Variants in SIPA1L3 observed in about 807,000 individuals in gnomAD.
The protein encoded by SIPA1L3 is signal induced proliferation associated 1 like 3.
Under a neutral mutation model 150.1 loss-of-function variants are expected in SIPA1L3, and 59 were observed. The ratio of observed to expected loss-of-function variants is 0.39; its 90% CI spans 0.32 to 0.49. The LOEUF (loss-of-function observed/expected upper bound fraction) is 0.49, where lower values mean the gene tolerates loss of function less well. Ranked by LOEUF, SIPA1L3 falls within the 20% of genes least tolerant of loss-of-function variation. The pLI is 0.86. For missense variants in SIPA1L3, 2,211 were observed against 2,489.5 expected (o/e 0.89, Z 2.38); for synonymous variants, 1,070 against 1,077.6 (o/e 0.99, Z 0.14).
chr19:37,916,928 C>T (rs2046419288), intron 1 of SIPA1L3, among the ~76,000 whole-genome samples: 1 of 150,930 alleles, frequency 6.6e-6, no homozygotes, highest in African/African-American at 2.4e-5. Flanking sequence ...CACTGCACTC[C>T]AGCCTGGGCA....
chr19:38,041,733 C>T (rs1051299262), intron 2 of SIPA1L3, among the ~76,000 whole-genome samples: 2 of 152,006 alleles, frequency 1.3e-5, no homozygotes, highest in African/African-American at 2.4e-5. Context: ...CAAGCCATCA[C>T]GGCCAGCTAA....
At chr19:38,162,584 A>G (rs554253757) in intron 14 of SIPA1L3, among the ~76,000 whole-genome samples, 1 of 152,356 alleles carries the variant, frequency 6.6e-6, no homozygotes, top group African/African-American at 2.4e-5. Context: ...TACCTCCTCG[A>G]GCCGCAGTTT....
intron 6 of SIPA1L3, among the ~76,000 whole-genome samples, chr19:38,103,280 G>C (rs994516277): frequency 6.6e-6 from 1 of 152,118 alleles, no homozygotes; most frequent in Non-Finnish European, 1.5e-5. Context: ...CACATAGGAC[G>C]TATTTGTTGC....
chr19:38,112,098 T>C (rs1027416113), intron 8 of SIPA1L3, among the ~76,000 whole-genome samples: 5 of 93,244 alleles, frequency 5.4e-5, no homozygotes, highest in Non-Finnish European at 7.8e-5. Context: ...TGCACACACC[T>C]ACATGCACAC....
At position 38,164,899 on chromosome 19, in the gene SIPA1L3, C is replaced by CTT. The variant is rs778322828; in HGVS notation, c.4201_4202insTT (p.Gln1401LeufsTer93). Reference sequence around the variant, plus strand: ...GGGGGGCAGCCGAGACCCACCGAGGCAGCCCAGGTAAGCTGTTGCACCTAG... The same window carrying CTT: ...GGGGGGCAGCCGAGACCCACCGAGGCTTAGCCCAGGTAAGCTGTTGCACCTAG... On this transcript the variant is annotated frameshift_variant, in exon 15 of 22. Transcript: ENST00000222345. LOFTEE classifies it high-confidence loss of function. The surrounding 1 kb of genome is among the most constrained non-coding windows in gnomAD (Gnocchi z 4.1). The CTT allele has an allele frequency of 5.8e-6, 9 of 1,539,942 alleles. 1 individual carries two copies. The South Asian group carries it at 1.1e-4, about 19-fold the overall frequency.
chr19:38,146,826 C>T (rs1174591569), intron 12 of SIPA1L3, among the ~76,000 whole-genome samples: 1 of 152,160 alleles, frequency 6.6e-6, no homozygotes, highest in African/African-American at 2.4e-5. Flanking sequence ...ATATTGAACA[C>T]CTTTTCATGT....
At chr19:37,981,514 C>A (rs1967201962) in intron 1 of SIPA1L3, among the ~76,000 whole-genome samples, 1 of 151,896 alleles carries the variant, frequency 6.6e-6, no homozygotes, top group South Asian at 2.1e-4. Flanking sequence ...GGTTACTTAA[C>A]CTCTCTGTAC....
At chr19:37,909,677 A>G (rs1222646574) in intron 1 of SIPA1L3, among the ~76,000 whole-genome samples, 2 of 152,186 alleles carry the variant, frequency 1.3e-5, no homozygotes, top group Non-Finnish European at 2.9e-5. Context: ...TTAGCCTGGT[A>G]AAGATCGGCT....
intron 9 of SIPA1L3, among the ~76,000 whole-genome samples, chr19:38,129,268 C>T (rs1025001656): frequency 2.6e-5 from 4 of 152,078 alleles, no homozygotes; most frequent in Non-Finnish European, 4.4e-5. Context: ...CTGCGTGGTC[C>T]GATCAGCTCC....
intron 1 of SIPA1L3, among the ~76,000 whole-genome samples, chr19:37,909,787 A>G (rs1246889925): frequency 2.6e-5 from 4 of 152,178 alleles, no homozygotes; most frequent in South Asian, 2.1e-4. Flanking sequence ...GGCAGCACAC[A>G]TACCACACAC....
chr19:37,976,391 C>T (rs916708616), intron 1 of SIPA1L3, among the ~76,000 whole-genome samples: 1 of 152,132 alleles, frequency 6.6e-6, no homozygotes, highest in Non-Finnish European at 1.5e-5. Context: ...AAGATGCCCC[C>T]GCACTGCAGC....
At chr19:37,993,624 A>G (rs2145640309) in intron 1 of SIPA1L3, among the ~76,000 whole-genome samples, 1 of 152,312 alleles carries the variant, frequency 6.6e-6, no homozygotes, top group East Asian at 1.9e-4. Flanking sequence ...ACAGATCCCT[A>G]ACGGGGGAAT....
At chr19:38,177,967 G>A (rs1420253402) in intron 15 of SIPA1L3, among the ~76,000 whole-genome samples, 1 of 152,052 alleles carries the variant, frequency 6.6e-6, no homozygotes, top group African/African-American at 2.4e-5. Flanking sequence ...CGCAGAGGTT[G>A]CAGCGAGCCG....
chr19:38,085,479 C>CAA (rs1169340957), intron 3 of SIPA1L3, among the ~76,000 whole-genome samples: 1,090 of 65,932 alleles, frequency 0.017, 23 homozygotes, highest in African/African-American at 0.043. Flanking sequence ...GACTCCGTCT[C>CAA]AAAAAAAAAA....
intron 1 of SIPA1L3, among the ~76,000 whole-genome samples, chr19:38,025,110 A>T (rs1568507608): frequency 6.6e-6 from 1 of 152,158 alleles, no homozygotes; most frequent in Non-Finnish European, 1.5e-5. Context: ...TTTCCGTCAG[A>T]AATTGCAGCA....
intron 4 of SIPA1L3, among the ~76,000 whole-genome samples, chr19:38,099,097 G>A (rs554732599): frequency 2.1e-4 from 32 of 151,700 alleles, no homozygotes; most frequent in Admixed American, 1.1e-3. Context: ...GTGCAGTGGC[G>A]CGATCTTGGC....
At chr19:38,084,405 G>A (rs147010372) in intron 3 of SIPA1L3, among the ~76,000 whole-genome samples, 152 of 151,948 alleles carry the variant, frequency 1.0e-3, no homozygotes, top group Admixed American at 2.2e-3. Context: ...TGCAGCCTCC[G>A]GCATAAATGC....
intron 13 of SIPA1L3, among the ~76,000 whole-genome samples, chr19:38,156,065 G>A (rs35447904): frequency 0.074 from 11,303 of 152,054 alleles, 1,270 homozygotes; most frequent in African/African-American, 0.24. Flanking sequence ...TGGGTAACGA[G>A]AGAGAAACTC....
chr19:38,103,221 C>T (rs576484819), intron 6 of SIPA1L3, among the ~76,000 whole-genome samples: 3 of 151,592 alleles, frequency 2.0e-5, no homozygotes, highest in South Asian at 2.1e-4. Flanking sequence ...GTCTAGGAAA[C>T]GGTGCTCACG....
Sources: allele counts gnomAD v4.1 joint callset (sites outside exome capture counted in the v4.1 genomes callset), GRCh38; gene constraint gnomAD v4.1.1; non-coding constraint Gnocchi (gnomAD v3.1); transcripts MANE v1.5; gene names NCBI Gene and HGNC (gene_info 2026-07-23, HGNC 2026-07-21).